Variants in PTPN3 observed in about 807,000 individuals in gnomAD.
PTPN3 encodes protein tyrosine phosphatase non-receptor type 3, also known as tyrosine-protein phosphatase non-receptor type 3.
Under a neutral mutation model 132.7 loss-of-function variants are expected in PTPN3, and 96 were observed. The ratio of observed to expected loss-of-function variants is 0.72; its 90% CI spans 0.61 to 0.86. The LOEUF (loss-of-function observed/expected upper bound fraction) is 0.86, where lower values mean the gene tolerates loss of function less well. PTPN3 is among the 40% of genes least tolerant of loss of function. The pLI, the probability that PTPN3 is intolerant of heterozygous loss-of-function variation, is 0.00. For missense variants in PTPN3, 1,125 were observed against 1,159.6 expected, an observed-to-expected ratio of 0.97 and a Z score of 0.43; for synonymous variants, 398 against 429.0, an observed-to-expected ratio of 0.93 and a Z score of 0.89.
At chr9:109,431,304 G>A (rs1220001654) in intron 10 of PTPN3, among the ~76,000 whole-genome samples, 1 of 152,228 alleles carries the variant, frequency 6.6e-6, no homozygotes, top group Non-Finnish European at 1.5e-5. Flanking sequence ...TCTCCACAAT[G>A]TGAGGGTCCA....
At chr9:109,490,137 C>T (rs577590724) in intron 1 of PTPN3, among the ~76,000 whole-genome samples, 4 of 151,846 alleles carry the variant, frequency 2.6e-5, no homozygotes, top group South Asian at 2.1e-4. Context: ...GAGCCGAGAT[C>T]GCGCCACTGC....
At chr9:109,399,860 CAA>C (rs1840926030) in intron 19 of PTPN3, among the ~76,000 whole-genome samples, 1 of 151,856 alleles carries the variant, frequency 6.6e-6, no homozygotes, top group South Asian at 2.1e-4. Context: ...GCCCACCTGC[CAA>C]CCACACTGGA....
At chr9:109,496,172 A>G (rs1489886012) in intron 1 of PTPN3, among the ~76,000 whole-genome samples, 6 of 152,220 alleles carry the variant, frequency 3.9e-5, no homozygotes, top group African/African-American at 1.4e-4. Flanking sequence ...GGCACGTTCT[A>G]TTCTACTCTA....
At chr9:109,531,195 C>A in the PTPN3 span, among the ~76,000 whole-genome samples, 5 of 152,290 alleles carry the variant, frequency 3.3e-5, no homozygotes, top group African/African-American at 1.2e-4. Context: ...GATGTCATCT[C>A]GATCTAACCC....
intron 12 of PTPN3, among the ~76,000 whole-genome samples, chr9:109,426,503 C>T (rs1450238582): frequency 1.3e-5 from 2 of 152,068 alleles, no homozygotes; most frequent in African/African-American, 4.8e-5. Context: ...TTATTATAGG[C>T]AATATATCCC....
intron 7 of PTPN3, 69 bp downstream of exon 7, chr9:109,445,171 C>T: frequency 2.7e-6 from 4 of 1,486,532 alleles, no homozygotes; most frequent in Non-Finnish European, 3.8e-6. Flanking sequence ...GCAGGAGGAA[C>T]CAGTGACTTT....
intron 1 of PTPN3, among the ~76,000 whole-genome samples, chr9:109,496,278 A>ATAATAGCT (rs1216990757): frequency 7.2e-5 from 11 of 152,376 alleles, no homozygotes; most frequent in Non-Finnish European, 1.6e-4. Context: ...ACTCTGTCAG[A>ATAATAGCT]TAATAGCTTA....
At chr9:109,520,750 C>A in the PTPN3 span, among the ~76,000 whole-genome samples, 1 of 152,296 alleles carries the variant, frequency 6.6e-6, no homozygotes, top group East Asian at 1.9e-4. Flanking sequence ...GGATGGTGAG[C>A]CACAAAGTGC....
intron 14 of PTPN3, chr9:109,417,454 T>A (rs1842603156): frequency 2.1e-6 from 1 of 481,568 alleles, no homozygotes; most frequent in South Asian, 8.7e-5. Flanking sequence ...TTTTTGCCTC[T>A]TAACACAAAT....
chr9:109,531,330 A>T, the PTPN3 span, among the ~76,000 whole-genome samples: 47 of 152,328 alleles, frequency 3.1e-4, no homozygotes, highest in African/African-American at 1.1e-3. Flanking sequence ...AGCTCAGAGT[A>T]TAGATAGGGT....
chr9:109,458,042 C>T (rs1269272787), intron 2 of PTPN3, among the ~76,000 whole-genome samples: 1 of 152,224 alleles, frequency 6.6e-6, no homozygotes, highest in Non-Finnish European at 1.5e-5. Context: ...TTCCCCGCTC[C>T]ATGTTTATGG....
intron 6 of PTPN3, among the ~76,000 whole-genome samples, chr9:109,447,691 T>C (rs1844952980): frequency 1.3e-5 from 2 of 152,178 alleles, no homozygotes; most frequent in Non-Finnish European, 2.9e-5. Context: ...GCCTGGATGC[T>C]ACAATAGCTT....
At chr9:109,485,866 A>C (rs1291409671) in intron 1 of PTPN3, among the ~76,000 whole-genome samples, 1 of 152,252 alleles carries the variant, frequency 6.6e-6, no homozygotes, top group Non-Finnish European at 1.5e-5. Context: ...ACCTGGACCT[A>C]TTTAGTAACT....
intron 19 of PTPN3, among the ~76,000 whole-genome samples, chr9:109,391,871 G>T (rs796321700): frequency 0.011 from 187 of 16,456 alleles, 13 homozygotes; most frequent in African/African-American, 0.037. Flanking sequence ...AACTAGATGT[G>T]GGGGGGGGGG....
At chr9:109,510,515 G>A in the PTPN3 span, among the ~76,000 whole-genome samples, 3 of 143,168 alleles carry the variant, frequency 2.1e-5, no homozygotes, top group South Asian at 2.2e-4. Context: ...CCGAGATTGC[G>A]CCATTGCACT....
At chr9:109,515,718 C>T in the PTPN3 span, among the ~76,000 whole-genome samples, 4 of 152,138 alleles carry the variant, frequency 2.6e-5, no homozygotes, top group African/African-American at 4.8e-5. Context: ...ATGTGTCACA[C>T]GGCAAGAGAG....
At chr9:109,494,712 G>A (rs1337957077) in intron 1 of PTPN3, among the ~76,000 whole-genome samples, 2 of 152,108 alleles carry the variant, frequency 1.3e-5, no homozygotes, top group Non-Finnish European at 2.9e-5. Flanking sequence ...GTACTTACAG[G>A]ACCATGGACA....
chr9:109,481,767 T>G (rs1003491347), intron 1 of PTPN3, among the ~76,000 whole-genome samples: 1 of 152,186 alleles, frequency 6.6e-6, no homozygotes, highest in African/African-American at 2.4e-5. Flanking sequence ...TTGATAAAAT[T>G]GGGAACCCCA....
At chr9:109,433,266 T>A (rs1159228919) in intron 9 of PTPN3, 105 bp from the exon 10 acceptor site, 1 of 1,451,160 alleles carries the variant, frequency 6.9e-7, no homozygotes, top group African/African-American at 1.4e-5. Context: ...ATGTATAGGC[T>A]CCAAATGGGA....
Sources: gnomAD v4.1 joint callset for allele counts (sites outside exome capture counted in the v4.1 genomes callset) on GRCh38, gnomAD v4.1.1 for gene constraint, MANE v1.5 for transcripts, NCBI Gene and HGNC (gene_info 2026-07-23, HGNC 2026-07-21) for gene names.